The following B4GALT1 variants were observed in gnomAD, a reference collection of about 807,000 sequenced individuals.
B4GALT1 encodes N-acetyllactosamine synthase.
In B4GALT1, 16 loss-of-function variants were observed where a neutral mutation model predicts 34.9. The observed-to-expected ratio is 0.46, with a 90% CI of 0.31 to 0.70. B4GALT1 has a LOEUF of 0.70. Among genes scored for constraint, B4GALT1 ranks in the 30% least tolerant of loss-of-function variants. The pLI is 0.05. For missense variants in B4GALT1, 445 were observed against 530.5 expected (o/e 0.84, Z 1.58); for synonymous variants, 221 against 218.1 (o/e 1.01, Z -0.12).
chr9:33,168,644 C>G (rs550569004), upstream of B4GALT1, among the ~76,000 whole-genome samples: 8 of 152,354 alleles, frequency 5.3e-5, no homozygotes, highest in South Asian at 1.7e-3. Flanking sequence ...ATCTTCCTCA[C>G]TTCACTGGCC....
At chr9:33,166,236 T>C (rs10813959) in intron 1 of B4GALT1, among the ~76,000 whole-genome samples, 74,788 of 151,950 alleles carry the variant, frequency 0.49, 19,304 homozygotes, top group East Asian at 0.72. Flanking sequence ...AGAAGAGAAA[T>C]ATGAGGTTCA....
rs1465533797 is a variant in B4GALT1 at position 33,110,734 on chromosome 9, C to G, written c.*2720G>C. On this transcript the variant is annotated 3_prime_UTR_variant, in exon 6 of 6. Transcript: ENST00000379731. The stretch of plus-strand genomic sequence containing the variant: ...TTGAACACCAAGATCAGACACAGCC[C>G]CCTACACAATGGTAAATACACACAT... 1 of 152,146 alleles carries G rather than the reference C, an allele frequency of 6.6e-6. No individual in the cohort carries two copies. The highest frequency in any genetic ancestry group is 2.4e-5 in the African/African-American group (1 of 41,412). The allele number at this position is 152,146 out of a possible 1,614,324, so 9.4% of individuals were successfully genotyped here.
the B4GALT1 span, among the ~76,000 whole-genome samples, chr9:33,180,730 G>C: frequency 2.0e-5 from 3 of 152,124 alleles, no homozygotes; most frequent in Non-Finnish European, 1.5e-5. Context: ...TCACATGCTT[G>C]AGCCCTAGCT....
chr9:33,183,000 A>T, the B4GALT1 span, among the ~76,000 whole-genome samples: 1 of 152,176 alleles, frequency 6.6e-6, no homozygotes. Flanking sequence ...TTCAGATAAC[A>T]TGTACAGTAG....
In B4GALT1 at chr9:33,112,785, A is replaced by C. The variant is rs1282971533; in HGVS notation, c.*669T>G. ...CAACAACTTTACATTCAGAAATCAG[A>C]CAATCTGGAGATAGGCCACTGAATG... On this transcript the variant is annotated 3_prime_UTR_variant, in exon 6 of 6. Transcript: ENST00000379731. 6.5e-6 allele frequency: 1 copy of C among 153,250 alleles called. No homozygotes were observed. The highest frequency in any genetic ancestry group is 1.5e-5 in the Non-Finnish European group (1 of 68,506). 9.5% of individuals were successfully genotyped at this position (153,250 alleles called of 1,614,324 possible).
chr9:33,180,766 C>T, the B4GALT1 span, among the ~76,000 whole-genome samples: 9 of 152,278 alleles, frequency 5.9e-5, no homozygotes, highest in Admixed American at 4.6e-4. Context: ...AACGAATCTT[C>T]CCCTTTCTGC....
intron 1 of B4GALT1, among the ~76,000 whole-genome samples, chr9:33,156,730 C>T (rs542201848): frequency 6.6e-6 from 1 of 152,218 alleles, no homozygotes; most frequent in African/African-American, 2.4e-5. Context: ...GGCGCCCAGG[C>T]TAGCCCAACA....
In B4GALT1 at chr9:33,135,295, A is replaced by C; in HGVS notation, c.542T>G (p.Ile181Ser). The C allele has an allele frequency of 6.2e-7, 1 of 1,614,184 alleles. No homozygotes were observed. Residue 181 changes from isoleucine (I) to serine (S), a missense_variant, in exon 2 of 6, where the codon ATC (isoleucine) becomes AGC (serine). Ile to Ser is a moderately radical substitution (Grantham distance 142, BLOSUM62 -2). Coordinates refer to ENST00000379731, the MANE Select transcript of B4GALT1 (RefSeq NM_001497.4). The stretch of plus-strand genomic sequence containing the variant: ...CTCCTGCCGGTTGCGGAATGGAATG[A>C]TGATGGCCACCTTGTGAGGAGAGAC... ...DCVSPHKVAI[I>S]IPFRNRQEHL...
chr9:33,152,931 G>A (rs965895528), intron 1 of B4GALT1, among the ~76,000 whole-genome samples: 12 of 152,146 alleles, frequency 7.9e-5, no homozygotes, highest in Admixed American at 5.9e-4. Flanking sequence ...AGCCATGGTG[G>A]CTCACGCCTA....
In B4GALT1 at chr9:33,115,992, T is replaced by G. The variant is rs774099795; in HGVS notation, c.958A>C (p.Arg320=). ...AGATATCTAAGTTATGACCATTACC[T>G]GTTAAAAATGTCATCATCTTCTCCT... ...WGGEDDDIFN[R]LVFRGMSISR... The change falls in exon 4 of 6, where the codon AGA becomes CGA. Residue 320 remains arginine (R), a splice_region_variant and synonymous_variant. Coordinates refer to ENST00000379731, the MANE Select transcript of B4GALT1 (RefSeq NM_001497.4). 1.2e-6 allele frequency: 2 copies of G among 1,610,444 alleles called. No homozygotes were observed. The highest frequency in any genetic ancestry group is 2.2e-5 in the South Asian group (2 of 91,024).
At chr9:33,154,708 T>C (rs540505413) in intron 1 of B4GALT1, among the ~76,000 whole-genome samples, 10 of 152,372 alleles carry the variant, frequency 6.6e-5, no homozygotes, top group Non-Finnish European at 1.2e-4. Context: ...TTTGATTTCC[T>C]GTTTAGAGAC....
intron 2 of B4GALT1, among the ~76,000 whole-genome samples, chr9:33,126,662 A>ATTGTTAAC: frequency 6.9e-3 from 313 of 45,168 alleles, no homozygotes; most frequent in Non-Finnish European, 9.7e-3. Context: ...TAACCATAGC[A>ATTGTTAAC]ATATGGTAGC....
rs1233137025 is a variant in B4GALT1 at position 33,113,866 on chromosome 9, T to C, written c.972A>G (p.Arg324=). ...DDDIFNRLVF[R]GMSISRPNAV... ...CATTTGGGCGAGATATAGACATGCC[T>C]CTAAAAACTAATCTGCAAAGAGTAA... Residue 324 remains arginine (R), a synonymous_variant, in exon 5 of 6, where the codon AGA becomes AGG. Transcript: ENST00000379731. 1 of 1,614,130 alleles carries C rather than the reference T, an allele frequency of 6.2e-7. No homozygotes were observed. Among genetic ancestry groups the C allele is most frequent in the Middle Eastern group, 1.6e-4 (1 of 6,062 alleles).
At chr9:33,170,438 T>C (rs1398182743), upstream of B4GALT1, among the ~76,000 whole-genome samples, 1 of 152,178 alleles carries the variant, frequency 6.6e-6, no homozygotes, top group Admixed American at 6.5e-5. Context: ...AAAGTCGGCC[T>C]GGCCAATGAG....
downstream of B4GALT1, among the ~76,000 whole-genome samples, chr9:33,108,297 C>T (rs1414217733): frequency 6.6e-6 from 1 of 151,844 alleles, no homozygotes; most frequent in African/African-American, 2.4e-5. Context: ...AGATCCCTGT[C>T]TCTAAAAAAC....
At chr9:33,162,698 T>A (rs1395427229) in intron 1 of B4GALT1, among the ~76,000 whole-genome samples, 1 of 152,148 alleles carries the variant, frequency 6.6e-6, no homozygotes, top group Non-Finnish European at 1.5e-5. Context: ...GCAGTTTAAG[T>A]CCAATCCCAC....
At chr9:33,142,148 A>G (rs888363061) in intron 1 of B4GALT1, among the ~76,000 whole-genome samples, 1 of 151,726 alleles carries the variant, frequency 6.6e-6, no homozygotes, top group Non-Finnish European at 1.5e-5. Context: ...ATGACCAGTT[A>G]ATTTTTGTAT....
intron 1 of B4GALT1, among the ~76,000 whole-genome samples, chr9:33,148,306 C>A (rs1840458453): frequency 6.6e-6 from 1 of 152,118 alleles, no homozygotes; most frequent in Non-Finnish European, 1.5e-5. Flanking sequence ...GTTATCCTAG[C>A]ACATCTATTA....
the B4GALT1 span, among the ~76,000 whole-genome samples, chr9:33,177,212 C>T: frequency 2.0e-5 from 3 of 152,188 alleles, no homozygotes; most frequent in Non-Finnish European, 4.4e-5. Flanking sequence ...CAATTATTTT[C>T]TCTTATCCAT....
Sources: allele counts gnomAD v4.1 joint callset (sites outside exome capture counted in the v4.1 genomes callset), GRCh38; gene constraint gnomAD v4.1.1; transcripts MANE v1.5; gene names NCBI Gene and HGNC (gene_info 2026-07-23, HGNC 2026-07-21).